Variants in MAGI2 observed in about 807,000 individuals in gnomAD.
The protein encoded by MAGI2 is membrane-associated guanylate kinase, WW and PDZ domain-containing protein 2.
MAGI2 carries 35 observed loss-of-function variants against 133.3 expected under a neutral mutation model. The ratio of observed to expected loss-of-function variants is 0.26; its 90% CI spans 0.20 to 0.35. MAGI2 has a LOEUF of 0.35. MAGI2 is among the 10% of genes least tolerant of loss of function. The pLI is 1.00. For synonymous variants in MAGI2, 729 were observed against 710.6 expected, an observed-to-expected ratio of 1.03 and a Z score of -0.41; for missense variants, 1,636 against 1,863.4, an observed-to-expected ratio of 0.88 and a Z score of 2.25.
chr7:79,206,075 A>C (rs1206824818), intron 1 of MAGI2, among the ~76,000 whole-genome samples: 5 of 151,750 alleles, frequency 3.3e-5, no homozygotes, highest in Non-Finnish European at 7.4e-5. Flanking sequence ...ATACAGCAAA[A>C]GCAGATATGA....
chr7:79,337,277 T>C (rs1350782408), intron 1 of MAGI2, among the ~76,000 whole-genome samples: 3 of 152,206 alleles, frequency 2.0e-5, no homozygotes, highest in African/African-American at 4.8e-5. Context: ...GTGTGTGAAA[T>C]TGAGCACATT....
At chr7:78,515,928 G>A (rs1303854612) in intron 4 of MAGI2, among the ~76,000 whole-genome samples, 1 of 151,876 alleles carries the variant, frequency 6.6e-6, no homozygotes, top group Admixed American at 6.6e-5. Context: ...TTCTAATAAT[G>A]TTTACAATAT....
At chr7:78,157,010 T>A (rs1272255867) in intron 16 of MAGI2, among the ~76,000 whole-genome samples, 2 of 152,166 alleles carry the variant, frequency 1.3e-5, no homozygotes, top group African/African-American at 2.4e-5. Context: ...CCTTTGATAT[T>A]TTGACCAGGG....
At chr7:78,439,410 A>C (rs1308913497) in intron 6 of MAGI2, among the ~76,000 whole-genome samples, 1 of 152,150 alleles carries the variant, frequency 6.6e-6, no homozygotes, top group African/African-American at 2.4e-5. Context: ...TATGTACAGC[A>C]GGATTTGAGG....
At chr7:78,937,884 A>G (rs1391625024) in intron 2 of MAGI2, among the ~76,000 whole-genome samples, 1 of 152,180 alleles carries the variant, frequency 6.6e-6, no homozygotes, top group Non-Finnish European at 1.5e-5. Context: ...TCTCAAATAG[A>G]AATTGTATTT....
chr7:78,462,083 T>C (rs1476702818), intron 6 of MAGI2, among the ~76,000 whole-genome samples: 18 of 152,128 alleles, frequency 1.2e-4, no homozygotes, highest in Admixed American at 1.0e-3. Context: ...TGTGACTCCA[T>C]GGCACTGATG....
chr7:78,847,289 CATT>C (rs1353588812), intron 2 of MAGI2, among the ~76,000 whole-genome samples: 2 of 151,858 alleles, frequency 1.3e-5, no homozygotes, highest in Non-Finnish European at 2.9e-5. Flanking sequence ...CTTTTGTAGA[CATT>C]ATAGTTTAAG....
intron 1 of MAGI2, among the ~76,000 whole-genome samples, chr7:79,134,689 A>C (rs1821218730): frequency 6.6e-6 from 1 of 152,254 alleles, no homozygotes; most frequent in African/African-American, 2.4e-5. Flanking sequence ...TAATATTGTC[A>C]AATTGCTTTG....
rs187727245 is a variant in MAGI2, at chr7:78,655,182, A to T, written c.419-27943T>A. Among the ~76,000 whole-genome samples the T allele has an allele frequency of 3.7e-4, 57 of 152,112 alleles. 2 individuals are homozygous for T. In the East Asian group the frequency reaches 8.7e-3, roughly 23 times the overall value. On this transcript the variant is annotated intron_variant, in intron 2 of 21. Coordinates refer to ENST00000354212, the MANE Select transcript of MAGI2 (RefSeq NM_012301.4). ...AATGCCATTCAGGCAGAAAAAGGCTAAAAAAGTGATAGTATTACTAAAACG... is the reference window on the plus strand; with the variant it reads ...AATGCCATTCAGGCAGAAAAAGGCTTAAAAAGTGATAGTATTACTAAAACG...
intron 1 of MAGI2, among the ~76,000 whole-genome samples, chr7:79,284,414 G>T (rs1267005604): frequency 6.6e-6 from 1 of 151,974 alleles, no homozygotes; most frequent in Non-Finnish European, 1.5e-5. Context: ...ACTTCAATTG[G>T]TCTGGCATGG....
intron 17 of MAGI2, chr7:78,134,739 AG>A (rs1223904305): frequency 3.5e-6 from 1 of 287,782 alleles, no homozygotes; most frequent in Non-Finnish European, 6.5e-6. Context: ...GGGGGCCCAC[AG>A]GGAATGATTG....
chr7:78,949,607 T>G (rs1801704292), intron 2 of MAGI2, among the ~76,000 whole-genome samples: 2 of 152,196 alleles, frequency 1.3e-5, no homozygotes. Flanking sequence ...ACCTAGTTTC[T>G]GTAGACAAAA....
intron 2 of MAGI2, among the ~76,000 whole-genome samples, chr7:78,785,704 T>G (rs1006847722): frequency 1.3e-5 from 2 of 152,346 alleles, no homozygotes; most frequent in African/African-American, 4.8e-5. Context: ...GTGTATCATC[T>G]AACTTATTTG....
intron 6 of MAGI2, among the ~76,000 whole-genome samples, chr7:78,478,119 T>C (rs944830292): frequency 2.6e-5 from 4 of 151,754 alleles, no homozygotes; most frequent in Admixed American, 6.6e-5. Context: ...TTCCCCTCCC[T>C]GTGTCCATGT....
chr7:78,615,849 G>A (rs2150924584), intron 3 of MAGI2: 1 of 152,020 alleles, frequency 6.6e-6, no homozygotes, highest in Middle Eastern at 3.4e-3. Flanking sequence ...ACATTTTCAG[G>A]TTTATAATTT....
intron 2 of MAGI2, among the ~76,000 whole-genome samples, chr7:78,889,229 T>A (rs546357040): frequency 6.6e-6 from 1 of 152,288 alleles, no homozygotes; most frequent in East Asian, 1.9e-4. Flanking sequence ...TGGGACTATG[T>A]GAGAAGACCA....
chr7:79,294,630 A>G (rs900072653), intron 1 of MAGI2, among the ~76,000 whole-genome samples: 3 of 151,840 alleles, frequency 2.0e-5, no homozygotes, highest in Admixed American at 1.3e-4. Context: ...TTCTTTTTGA[A>G]CATACTAGGT....
At chr7:78,814,672 T>C (rs1789402976) in intron 2 of MAGI2, among the ~76,000 whole-genome samples, 1 of 152,174 alleles carries the variant, frequency 6.6e-6, no homozygotes, top group Admixed American at 6.5e-5. Flanking sequence ...TAACCAAATC[T>C]CTTGAATAAC....
intron 2 of MAGI2, among the ~76,000 whole-genome samples, chr7:78,976,171 TATC>T (rs1804230960): frequency 6.6e-6 from 1 of 151,482 alleles, no homozygotes; most frequent in African/African-American, 2.4e-5. Flanking sequence ...TAGATGAAAA[TATC>T]ATCAACAAAA....
Sources: gnomAD v4.1 joint callset for allele counts (sites outside exome capture counted in the v4.1 genomes callset) on GRCh38, gnomAD v4.1.1 for gene constraint, MANE v1.5 for transcripts, NCBI Gene and HGNC (gene_info 2026-07-23, HGNC 2026-07-21) for gene names.